Variants in C1QA observed in about 807,000 individuals in gnomAD.
C1QA encodes the protein complement C1q subcomponent subunit A.
In C1QA, 3 loss-of-function variants were observed where a neutral mutation model predicts 6.9. The ratio of observed to expected loss-of-function variants is 0.44; its 90% CI spans 0.20 to 1.12. C1QA has a LOEUF of 1.12. Ranked by LOEUF, C1QA falls within the 50% of genes most tolerant of loss-of-function variation. The probability of loss-of-function intolerance (pLI) is 0.27; values close to 1 mark genes in which losing one functional copy is unlikely to be tolerated. For synonymous variants in C1QA, 128 were observed against 134.1 expected (o/e 0.95, Z 0.31); for missense variants, 273 against 326.6 (o/e 0.84, Z 1.26).
chr1:22,638,785 C>A, intron 2 of C1QA, 48 bp from the exon 3 acceptor site: 1 of 1,545,480 alleles, frequency 6.5e-7, no homozygotes, highest in Non-Finnish European at 8.8e-7. Context: ...TCCCTGAGGA[C>A]CAGTAGGCAT....
At chr1:22,638,523 A>G (rs924519784) in intron 2 of C1QA, among the ~76,000 whole-genome samples, 3 of 152,238 alleles carry the variant, frequency 2.0e-5, no homozygotes. Flanking sequence ...AGTCAAGGTC[A>G]GTGCCCCAGA....
chr1:22,639,655 A>T lies in C1QA; in HGVS notation c.*248A>T, dbSNP rs1241900565. On this transcript the variant is annotated 3_prime_UTR_variant, in exon 3 of 3. Coordinates refer to ENST00000374642, the MANE Select transcript of C1QA (RefSeq NM_015991.4). This position sits in a 1 kb window ranked among gnomAD's most constrained non-coding sequence, Gnocchi z 4.6. ...GGAGCATTGAGAGGGAGGCCTAAGAATAATAACAATCCAGTGCTTAAGAGT... is the reference window on the plus strand; with the variant it reads ...GGAGCATTGAGAGGGAGGCCTAAGATTAATAACAATCCAGTGCTTAAGAGT... The T allele has an allele frequency of 1.7e-6, 1 of 578,526 alleles. No individual in the cohort carries two copies. The highest frequency in any genetic ancestry group is 3.1e-6 in the Non-Finnish European group (1 of 324,628). The allele number at this position is 578,526 out of a possible 1,614,324, so 35.8% of individuals were successfully genotyped here.
In C1QA at chr1:22,638,890, G is replaced by T; in HGVS notation, c.221G>T (p.Gly74Val). 1 of 1,596,676 alleles carries T rather than the reference G, an allele frequency of 6.3e-7. No individual in the cohort carries two copies. Among genetic ancestry groups the T allele is most frequent in the Non-Finnish European group, 8.5e-7 (1 of 1,172,174 alleles). The change falls in exon 3 of 3, where the codon GGG becomes GTG. Residue 74 changes from glycine to valine, a missense_variant. Physicochemically the swap from Gly to Val is moderately radical, Grantham distance 109. Coordinates refer to ENST00000374642, the MANE Select transcript of C1QA (RefSeq NM_015991.4). Reference protein sequence around the residue: ...QGLKGDQGEPGPSGNPGKVGY... With the variant: ...QGLKGDQGEPVPSGNPGKVGY... ...CTTAAAGGAGACCAGGGGGAACCTG[G>T]GCCCTCTGGAAACCCCGGCAAGGTG...
chr1:22,639,329 C>T lies in C1QA; in HGVS notation c.660C>T (p.Asp220=), dbSNP rs757156581. 9 of 1,613,968 alleles carry T rather than the reference C, an allele frequency of 5.6e-6. No individual in the cohort carries two copies. Among genetic ancestry groups the T allele is most frequent in the Non-Finnish European group, 6.8e-6 (8 of 1,179,990 alleles). The change falls in exon 3 of 3, where the codon GAC becomes GAT. Residue 220 remains aspartate (D), a synonymous_variant. Transcript: ENST00000374642. This position sits in a 1 kb window ranked among gnomAD's most constrained non-coding sequence, Gnocchi z 4.6. ...QQGDQVWVEK[D]PKKGHIYQGS... is the part of the protein sequence containing the mutation. The stretch of plus-strand genomic sequence containing the variant: ...GTGACCAGGTCTGGGTTGAAAAAGA[C>T]CCCAAAAAGGGTCACATTTACCAGG...
chr1:22,637,307 G>T lies in C1QA; in HGVS notation c.-7-303G>T, dbSNP rs17881578. 0.014 allele frequency among the ~76,000 whole-genome samples: 2,147 copies of T among 152,284 alleles called. 61 individuals are homozygous for T. Among genetic ancestry groups the T allele is most frequent in the African/African-American group, 0.049 (2,026 of 41,542 alleles). The stretch of plus-strand genomic sequence containing the variant: ...TGGGTATCAGTTGTGTGTCTAGGGG[G>T]GTATAGTGGATTTCTGAGTTTGCCT... On this transcript the variant is annotated intron_variant, in intron 1 of 2. Coordinates refer to ENST00000374642, the MANE Select transcript of C1QA (RefSeq NM_015991.4). The surrounding 1 kb of genome is among the most constrained non-coding windows in gnomAD (Gnocchi z 4.4).
At position 22,639,480 on chromosome 1, in the gene C1QA, G is replaced by T; in HGVS notation, c.*73G>T. 6.5e-7 allele frequency: 1 copy of T among 1,542,312 alleles called. No individual in the cohort carries two copies. The highest frequency in any genetic ancestry group is 8.8e-7 in the Non-Finnish European group (1 of 1,135,026). On this transcript the variant is annotated 3_prime_UTR_variant, in exon 3 of 3. Transcript: ENST00000374642. This position sits in a 1 kb window ranked among gnomAD's most constrained non-coding sequence, Gnocchi z 4.6. ...CCGCCTGTAAAATGGGGGCGCTATT[G>T]CTTCAGCTGCTGAAGGGAGGGGGCT...
At chr1:22,636,842 G>T (rs1165402289) in intron 1 of C1QA, 140 bp downstream of exon 1, 1 of 152,650 alleles carries the variant, frequency 6.6e-6, no homozygotes, top group Admixed American at 6.5e-5. Flanking sequence ...GTGCAGCACT[G>T]ATCCAGGACC....
Position 22,637,856 on chromosome 1 carries a change from A to G in C1QA, c.163+77A>G. 2.7e-6 allele frequency: 4 copies of G among 1,467,676 alleles called. No homozygotes were observed. The highest frequency in any genetic ancestry group is 3.6e-6 in the Non-Finnish European group (4 of 1,099,498). 90.9% of individuals were successfully genotyped at this position (1,467,676 alleles called of 1,614,324 possible). ...CTCCAGGGTGAAGGCTTGGGGTGGC[A>G]CTGAGAATCAGGAGTCCGTCTGCCC... On this transcript the variant is annotated intron_variant, in intron 2 of 2. Transcript: ENST00000374642. This position sits in a 1 kb window ranked among gnomAD's most constrained non-coding sequence, Gnocchi z 4.4.
chr1:22,638,851 C>T lies in C1QA; in HGVS notation c.182C>T (p.Thr61Ile), dbSNP rs1418135256. The change falls in exon 3 of 3, where the codon ACA becomes ATA. Residue 61 changes from threonine to isoleucine, a missense_variant. By Grantham distance (89) the Thr-to-Ile change is moderately conservative. Transcript: ENST00000374642. Reference sequence around the variant, plus strand: ...CCCACAGGGGCCCCTGGCATCCGGACAGGCATCCAAGGCCTTAAAGGAGAC... The same window carrying T: ...CCCACAGGGGCCCCTGGCATCCGGATAGGCATCCAAGGCCTTAAAGGAGAC... ...QGEPGAPGIR[T>I]GIQGLKGDQG... 2 of 1,589,268 alleles carry T rather than the reference C, an allele frequency of 1.3e-6. No homozygotes were observed. Among genetic ancestry groups the T allele is most frequent in the Non-Finnish European group, 1.7e-6 (2 of 1,168,560 alleles).
In C1QA at chr1:22,638,846, C is replaced by A; in HGVS notation, c.177C>A (p.Ile59=). The change falls in exon 3 of 3, where the codon ATC becomes ATA. Residue 59 remains isoleucine (I), a synonymous_variant. Transcript: ENST00000374642. ...TTCTCCCCACAGGGGCCCCTGGCAT[C>A]CGGACAGGCATCCAAGGCCTTAAAG... is the stretch of plus-strand genomic sequence containing the variant. ...GEQGEPGAPG[I]RTGIQGLKGD... The A allele has an allele frequency of 6.3e-7, 1 of 1,586,208 alleles. No homozygotes were observed. The highest frequency in any genetic ancestry group is 8.6e-7 in the Non-Finnish European group (1 of 1,166,878).
In C1QA at chr1:22,637,462, G is replaced by T. The variant is rs1642198202; in HGVS notation, c.-7-148G>T. ...TGTATATGCGTGGGGTCCTGGGGCT[G>T]GATTGAGAGTGGACATTGAGAGCCC... On this transcript the variant is annotated intron_variant, in intron 1 of 2. Coordinates refer to ENST00000374642, the MANE Select transcript of C1QA (RefSeq NM_015991.4). This position sits in a 1 kb window ranked among gnomAD's most constrained non-coding sequence, Gnocchi z 4.4. 2.1e-6 allele frequency: 2 copies of T among 966,630 alleles called. No homozygotes were observed. Among genetic ancestry groups the T allele is most frequent in the East Asian group, 2.6e-5 (1 of 38,002 alleles). 59.9% of individuals were successfully genotyped at this position (966,630 alleles called of 1,614,324 possible).
Position 22,638,858 on chromosome 1 carries a change from C to T in C1QA, c.189C>T (p.Ile63=). The T allele has an allele frequency of 6.3e-7, 1 of 1,592,164 alleles. No individual in the cohort carries two copies. Among genetic ancestry groups the T allele is most frequent in the South Asian group, 1.1e-5 (1 of 87,346 alleles). The change falls in exon 3 of 3, where the codon ATC becomes ATT. Residue 63 remains isoleucine (I), a synonymous_variant. Transcript: ENST00000374642. ...EPGAPGIRTG[I]QGLKGDQGEP... Reference sequence around the variant, plus strand: ...GGGCCCCTGGCATCCGGACAGGCATCCAAGGCCTTAAAGGAGACCAGGGGG... The same window carrying T: ...GGGCCCCTGGCATCCGGACAGGCATTCAAGGCCTTAAAGGAGACCAGGGGG...
In C1QA at chr1:22,639,230, G is replaced by A. The variant is rs1483895295; in HGVS notation, c.561G>A (p.Leu187=). 1.2e-6 allele frequency: 2 copies of A among 1,614,250 alleles called. No individual in the cohort carries two copies. Among genetic ancestry groups the A allele is most frequent in the Non-Finnish European group, 1.7e-6 (2 of 1,180,044 alleles). Residue 187 remains leucine, a synonymous_variant, in exon 3 of 3, where the codon CTG becomes CTA. Transcript: ENST00000374642. The surrounding 1 kb of genome is among the most constrained non-coding windows in gnomAD (Gnocchi z 4.6). ...SSSRGQVRRS[L]GFCDTTNKGL... is the part of the protein sequence containing the mutation. The stretch of plus-strand genomic sequence containing the variant: ...CAAGGGGCCAGGTCCGACGCTCCCT[G>A]GGCTTCTGTGACACCACCAACAAGG...
At position 22,637,716 on chromosome 1, in the gene C1QA, G is replaced by GGGGAGGCA. The variant is rs1489998483; in HGVS notation, c.103_110dup (p.Pro39GlnfsTer246). 6.2e-7 allele frequency: 1 copy of GGGGAGGCA among 1,612,988 alleles called. No individual in the cohort carries two copies. Among genetic ancestry groups the GGGGAGGCA allele is most frequent in the Non-Finnish European group, 8.5e-7 (1 of 1,179,702 alleles). ...GTGCCGAGCACCAGACGGGAAGAAA[G>GGGGAGGCA]GGGAGGCAGGAAGACCTGGCAGACG... On this transcript the variant is annotated frameshift_variant, in exon 2 of 3. Transcript: ENST00000374642. LOFTEE classifies it high-confidence loss of function. The surrounding 1 kb of genome is among the most constrained non-coding windows in gnomAD (Gnocchi z 4.4).
chr1:22,637,914 T>G lies in C1QA; in HGVS notation c.163+135T>G. The G allele has an allele frequency of 3.2e-6, 4 of 1,240,608 alleles. No homozygotes were observed. 76.9% of individuals were successfully genotyped at this position (1,240,608 alleles called of 1,614,324 possible). ...CCCATGAATCCTCTCCAGTTTGTAC[T>G]TGGCCACAGGGGCTAAGGGAGGCCT... is the stretch of plus-strand genomic sequence containing the variant. On this transcript the variant is annotated intron_variant, in intron 2 of 2. Coordinates refer to ENST00000374642, the MANE Select transcript of C1QA (RefSeq NM_015991.4). This position sits in a 1 kb window ranked among gnomAD's most constrained non-coding sequence, Gnocchi z 4.4.
In C1QA at chr1:22,639,173, G is replaced by C; in HGVS notation, c.504G>C (p.Gln168His). The part of the protein sequence containing the change: ...YYYFTFQVLS[Q>H]WEICLSIVSS... Reference sequence around the variant, plus strand: ...ACTTCACCTTCCAGGTGCTGTCCCAGTGGGAAATCTGCCTGTCCATCGTCT... The same window carrying C: ...ACTTCACCTTCCAGGTGCTGTCCCACTGGGAAATCTGCCTGTCCATCGTCT... Residue 168 changes from glutamine (Q) to histidine (H), a missense_variant, in exon 3 of 3, where the codon CAG (glutamine) becomes CAC (histidine). Physicochemically the swap from Gln to His is conservative, Grantham distance 24. Transcript: ENST00000374642. This position sits in a 1 kb window ranked among gnomAD's most constrained non-coding sequence, Gnocchi z 4.6. 1 of 1,614,258 alleles carries C rather than the reference G, an allele frequency of 6.2e-7. No homozygotes were observed. Among genetic ancestry groups the C allele is most frequent in the Non-Finnish European group, 8.5e-7 (1 of 1,180,044 alleles).
rs774104904 is a variant in C1QA at position 22,637,256 on chromosome 1, C to T, written c.-7-354C>T. On this transcript the variant is annotated intron_variant, in intron 1 of 2. Transcript: ENST00000374642. The surrounding 1 kb of genome is among the most constrained non-coding windows in gnomAD (Gnocchi z 4.4). ...GTGGGAGTGTATGAATGTGTGTGTC[C>T]GTGCAAGTGAGGGACAGGGTCTATT... Among the ~76,000 whole-genome samples, 2 of 152,124 alleles carry T rather than the reference C, an allele frequency of 1.3e-5. No individual in the cohort carries two copies. Among genetic ancestry groups the T allele is most frequent in the African/African-American group, 2.4e-5 (1 of 41,408 alleles).
rs1158198682 is a variant in C1QA, at chr1:22,637,170, A to C, written c.-7-440A>C. 6.6e-6 allele frequency among the ~76,000 whole-genome samples: 1 copy of C among 152,222 alleles called. No individual in the cohort carries two copies. Among genetic ancestry groups the C allele is most frequent in the African/African-American group, 2.4e-5 (1 of 41,450 alleles). On this transcript the variant is annotated intron_variant, in intron 1 of 2. Transcript: ENST00000374642. This position sits in a 1 kb window ranked among gnomAD's most constrained non-coding sequence, Gnocchi z 4.4. Reference sequence around the variant, plus strand: ...CAGAGCTCCACCATCTGGGTGAGCCAGTGTTAATTAAATAAGGAGCAGGCG... The same window carrying C: ...CAGAGCTCCACCATCTGGGTGAGCCCGTGTTAATTAAATAAGGAGCAGGCG...
Position 22,637,497 on chromosome 1 carries a change from C to G in C1QA, c.-7-113C>G. 1 of 1,303,718 alleles carries G rather than the reference C, an allele frequency of 7.7e-7. No homozygotes were observed. Among genetic ancestry groups the G allele is most frequent in the Non-Finnish European group, 1.1e-6 (1 of 925,318 alleles). The allele number at this position is 1,303,718 out of a possible 1,614,324, so 80.8% of individuals were successfully genotyped here. A position where few individuals can be genotyped will look rare whatever the true frequency, so the allele number is the denominator to read the frequency against. ...TGGACATTGAGAGCCCCAGAGGGTG[C>G]ATGTGCACTTGGGGAGGACTGTGCA... On this transcript the variant is annotated intron_variant, in intron 1 of 2. Coordinates refer to ENST00000374642, the MANE Select transcript of C1QA (RefSeq NM_015991.4). This position sits in a 1 kb window ranked among gnomAD's most constrained non-coding sequence, Gnocchi z 4.4.
Sources: allele counts gnomAD v4.1 joint callset (sites outside exome capture counted in the v4.1 genomes callset), GRCh38; gene constraint gnomAD v4.1.1; non-coding constraint Gnocchi (gnomAD v3.1); transcripts MANE v1.5; gene names NCBI Gene and HGNC (gene_info 2026-07-23, HGNC 2026-07-21).